The following TMEM65 variants were observed in gnomAD, a reference collection of about 807,000 sequenced individuals.
TMEM65 encodes transmembrane protein 65.
In TMEM65, 22 loss-of-function variants were observed where a neutral mutation model predicts 25.4. The ratio of observed to expected loss-of-function variants is 0.86; its 90% CI spans 0.62 to 1.23. TMEM65 has a LOEUF of 1.23. Ranked by LOEUF, TMEM65 falls within the 50% of genes most tolerant of loss-of-function variation. The probability of loss-of-function intolerance (pLI) is 0.00; values close to 1 mark genes in which losing one functional copy is unlikely to be tolerated. For synonymous variants in TMEM65, 132 were observed against 126.2 expected (o/e 1.05, Z -0.31); for missense variants, 262 against 308.2 (o/e 0.85, Z 1.12).
chr8:124,362,076 G>C (rs1336462432), intron 1 of TMEM65, among the ~76,000 whole-genome samples: 1 of 151,696 alleles, frequency 6.6e-6, no homozygotes, highest in East Asian at 2.0e-4. Context: ...ACTTTTAGTA[G>C]ATTCGGGGTT....
chr8:124,322,938 T>C (rs1467304775), intron 4 of TMEM65, among the ~76,000 whole-genome samples: 2 of 152,016 alleles, frequency 1.3e-5, no homozygotes, highest in African/African-American at 2.4e-5. Context: ...GAGGTTGCAG[T>C]GAGCTGAGAT....
At chr8:124,364,016 C>T (rs1201793758) in intron 1 of TMEM65, among the ~76,000 whole-genome samples, 1 of 151,926 alleles carries the variant, frequency 6.6e-6, no homozygotes, top group East Asian at 1.9e-4. Flanking sequence ...ACTATAAAAC[C>T]TATTATGAGG....
At chr8:124,347,046 T>C (rs890041911) in intron 1 of TMEM65, among the ~76,000 whole-genome samples, 2 of 152,068 alleles carry the variant, frequency 1.3e-5, no homozygotes, top group African/African-American at 4.8e-5. Context: ...CCAAAAGTGG[T>C]TTATAAAGCA....
intron 1 of TMEM65, among the ~76,000 whole-genome samples, chr8:124,340,053 C>T (rs548830467): frequency 8.5e-5 from 13 of 152,154 alleles, no homozygotes; most frequent in African/African-American, 2.4e-4. Flanking sequence ...TCAAAGACGG[C>T]CTCTTCAAAA....
At chr8:124,348,485 C>A (rs1814667455) in intron 1 of TMEM65, among the ~76,000 whole-genome samples, 1 of 151,556 alleles carries the variant, frequency 6.6e-6, no homozygotes, top group African/African-American at 2.4e-5. Context: ...AATAGTACAA[C>A]TTAAAAAAAA....
intron 1 of TMEM65, among the ~76,000 whole-genome samples, chr8:124,368,301 CA>C (rs917334947): frequency 1.1e-4 from 17 of 151,430 alleles, no homozygotes; most frequent in African/African-American, 4.1e-4. Flanking sequence ...TTTTTCAAAA[CA>C]TATCTCTCAT....
rs535914461 is a variant in TMEM65, at chr8:124,361,341, A to AG, written c.304+10512dup. Among the ~76,000 whole-genome samples, 180 of 151,864 alleles carry AG rather than the reference A, an allele frequency of 1.2e-3. 2 individuals are homozygous for AG. The East Asian group carries it at 0.019, about 16-fold the overall frequency. Reference sequence around the variant, plus strand: ...TCCCAGCTACTCCAGAGGCTGAGGCAGGAGAATGGCTTGAACCAGGGAGGC... The same window carrying AG: ...TCCCAGCTACTCCAGAGGCTGAGGCAGGGAGAATGGCTTGAACCAGGGAGGC... On this transcript the variant is annotated intron_variant, in intron 1 of 6. Coordinates refer to ENST00000297632, the MANE Select transcript of TMEM65 (RefSeq NM_194291.3).
At chr8:124,320,821 C>T (rs573396500) in intron 5 of TMEM65, among the ~76,000 whole-genome samples, 6 of 152,068 alleles carry the variant, frequency 3.9e-5, no homozygotes, top group African/African-American at 9.6e-5. Flanking sequence ...ATATCAGATA[C>T]GTTAAAATGC....
At chr8:124,351,777 C>A (rs546497826) in intron 1 of TMEM65, among the ~76,000 whole-genome samples, 93 of 152,296 alleles carry the variant, frequency 6.1e-4, no homozygotes, top group Non-Finnish European at 1.0e-3. Flanking sequence ...CCTTCCCTAA[C>A]CTCCTCTGGA....
chr8:124,306,193 T>C lies in TMEM65; in HGVS notation c.*7767A>G, dbSNP rs1262972559. ...GAAAGTAAAATAACCATTAGCTCCA[T>C]TAACCCAACACAAGTTTATTTACTA... is the stretch of plus-strand genomic sequence containing the variant. On this transcript the variant is annotated 3_prime_UTR_variant, in exon 7 of 7. Transcript: ENST00000297632. The C allele has an allele frequency of 6.6e-6, 1 of 152,238 alleles. No individual in the cohort carries two copies. Among genetic ancestry groups the C allele is most frequent in the African/African-American group, 2.4e-5 (1 of 41,458 alleles). The allele number at this position is 152,238 out of a possible 1,614,324, so 9.4% of individuals were successfully genotyped here.
At chr8:124,359,489 G>A (rs1378754270) in intron 1 of TMEM65, among the ~76,000 whole-genome samples, 1 of 152,092 alleles carries the variant, frequency 6.6e-6, no homozygotes, top group Non-Finnish European at 1.5e-5. Context: ...TGCCTGTAAT[G>A]CCAGCACATT....
chr8:124,372,152 G>C lies in TMEM65; in HGVS notation c.6C>G (p.Ser2=). The change falls in exon 1 of 7, where the codon TCC becomes TCG. Residue 2 remains serine (S), a synonymous_variant. Transcript: ENST00000297632. The part of the protein sequence containing the change: M[S]RLLPLLRSRT... ...GGCTCCTCAGCAGCGGCAGCAGCCGGGACATGGCGAGCTGAGGAGCTGGGA... is the reference window on the plus strand; with the variant it reads ...GGCTCCTCAGCAGCGGCAGCAGCCGCGACATGGCGAGCTGAGGAGCTGGGA... 7.9e-7 allele frequency: 1 copy of C among 1,270,546 alleles called. No homozygotes were observed. The highest frequency in any genetic ancestry group is 1.0e-6 in the Non-Finnish European group (1 of 1,004,364). 78.7% of individuals were successfully genotyped at this position (1,270,546 alleles called of 1,614,324 possible). A position where few individuals can be genotyped will look rare whatever the true frequency, so the allele number is the denominator to read the frequency against.
At chr8:124,323,033 C>T (rs181092605) in intron 4 of TMEM65, among the ~76,000 whole-genome samples, 1 of 149,654 alleles carries the variant, frequency 6.7e-6, no homozygotes, top group African/African-American at 2.5e-5. Flanking sequence ...TAAAAGAGAC[C>T]AAGGGTAGAA....
At chr8:124,356,702 CTCTT>C (rs1814786753) in intron 1 of TMEM65, among the ~76,000 whole-genome samples, 1 of 151,990 alleles carries the variant, frequency 6.6e-6, no homozygotes, top group African/African-American at 2.4e-5. Flanking sequence ...CATCAGATCA[CTCTT>C]TTTTTATTTT....
At chr8:124,315,324 T>G (rs111652161) in intron 6 of TMEM65, among the ~76,000 whole-genome samples, 1,498 of 140,534 alleles carry the variant, frequency 0.011, 32 homozygotes, top group Middle Eastern at 0.018. Context: ...GTTTTTTTTT[T>G]GTTTGTTTTT....
At chr8:124,328,836 T>C (rs535406517) in intron 2 of TMEM65, among the ~76,000 whole-genome samples, 74 of 152,160 alleles carry the variant, frequency 4.9e-4, no homozygotes, top group African/African-American at 1.6e-3. Flanking sequence ...GAAAGTATAA[T>C]TGAAATATAA....
chr8:124,367,213 G>A (rs549912676), intron 1 of TMEM65, among the ~76,000 whole-genome samples: 1 of 152,268 alleles, frequency 6.6e-6, no homozygotes, highest in South Asian at 2.1e-4. Context: ...GGTGCTCACA[G>A]CTGTAATCCC....
At chr8:124,333,470 CGTGTGTGTGTGT>C (rs10660640) in intron 1 of TMEM65, among the ~76,000 whole-genome samples, 1 of 149,242 alleles carries the variant, frequency 6.7e-6, no homozygotes, top group Admixed American at 6.7e-5. Context: ...TGTGTGTGTG[CGTGTGTGTGTGT>C]GTGTGTGTGT....
At chr8:124,324,906 A>G (rs561436778) in intron 3 of TMEM65, among the ~76,000 whole-genome samples, 1 of 152,048 alleles carries the variant, frequency 6.6e-6, no homozygotes, top group African/African-American at 2.4e-5. Context: ...CATTATCCTT[A>G]ATACAATTAA....
Sources: gnomAD v4.1 joint callset for allele counts (sites outside exome capture counted in the v4.1 genomes callset) on GRCh38, gnomAD v4.1.1 for gene constraint, MANE v1.5 for transcripts, NCBI Gene and HGNC (gene_info 2026-07-23, HGNC 2026-07-21) for gene names.